Variants in USP34 observed in about 807,000 individuals in gnomAD.
The protein encoded by USP34 is ubiquitin specific peptidase 34.
USP34 carries 70 observed loss-of-function variants against 460.3 expected under a neutral mutation model. The observed-to-expected ratio is 0.15, with a 90% CI of 0.13 to 0.19. The LOEUF is 0.19. Among genes scored for constraint, USP34 ranks in the 10% least tolerant of loss-of-function variants. The pLI is 1.00. For missense variants in USP34, 3,985 were observed against 4,236.2 expected (o/e 0.94, Z 1.65); for synonymous variants, 1,647 against 1,405.3 (o/e 1.17, Z -3.85).
At chr2:61,440,700 TAG>T (rs759995342) in intron 1 of USP34, among the ~76,000 whole-genome samples, 39 of 151,706 alleles carry the variant, frequency 2.6e-4, no homozygotes, top group Admixed American at 6.6e-4. Context: ...GTATTTTTAG[TAG>T]AGATGGGGTT....
intron 29 of USP34, among the ~76,000 whole-genome samples, chr2:61,299,952 C>T (rs1224389736): frequency 6.6e-6 from 1 of 152,166 alleles, no homozygotes; most frequent in African/African-American, 2.4e-5. Context: ...GCCAGAAACC[C>T]AGTGCCATTT....
At chr2:61,397,742 T>C (rs1165757295) in intron 3 of USP34, among the ~76,000 whole-genome samples, 4 of 151,744 alleles carry the variant, frequency 2.6e-5, no homozygotes, top group Non-Finnish European at 5.9e-5. Context: ...CTATTAAAAA[T>C]ACACAAATTA....
At chr2:61,328,147 C>T (rs1014413775) in intron 20 of USP34, among the ~76,000 whole-genome samples, 2 of 151,440 alleles carry the variant, frequency 1.3e-5, no homozygotes, top group African/African-American at 2.4e-5. Context: ...TACTAAAAAG[C>T]GAAAACGAGC....
chr2:61,368,158 G>A (rs1032161925), intron 10 of USP34, among the ~76,000 whole-genome samples: 8 of 152,164 alleles, frequency 5.3e-5, no homozygotes, highest in Non-Finnish European at 1.0e-4. Context: ...GTCAGGCCGG[G>A]CCCATTGGCT....
rs979551982 is a variant in USP34, at chr2:61,442,074, G to A, written c.44-21241C>T. On this transcript the variant is annotated intron_variant, in intron 1 of 79. Coordinates refer to ENST00000398571, the MANE Select transcript of USP34 (RefSeq NM_014709.4). ...TGCTAGGAAAACTGGACATCCATAG[G>A]CACAACAATGAAACTATACCCTCAC... Among the ~76,000 whole-genome samples the A allele has an allele frequency of 2.0e-5, 3 of 152,000 alleles. No homozygotes were observed. The East Asian group carries it at 5.8e-4, about 29-fold the overall frequency.
In USP34 at chr2:61,246,451, T is replaced by C. The variant is rs535435066; in HGVS notation, c.6421A>G (p.Lys2141Glu). 9 of 1,589,332 alleles carry C rather than the reference T, an allele frequency of 5.7e-6. No homozygotes were observed. The highest frequency in any genetic ancestry group is 2.3e-5 in the East Asian group (1 of 44,108). Residue 2141 changes from lysine (K) to glutamate (E), a missense_variant, in exon 50 of 80, where the codon AAA (lysine) becomes GAA (glutamate). Lys to Glu is a moderately conservative substitution (Grantham distance 56). This residue lies in a region of USP34 where 70 missense variants were observed against 78.1 expected (regional missense o/e 0.90). Transcript: ENST00000398571. Reference protein sequence around the residue: ...EGFKEVSDHSKDSESYEYDLI... With the variant: ...EGFKEVSDHSEDSESYEYDLI... ...TCATATTCATAGCTCTCTGAGTCTT[T>C]TGAATGATCACTGACTTCTTTAAAA...
At chr2:61,396,519 C>T (rs1693532591) in intron 3 of USP34, among the ~76,000 whole-genome samples, 1 of 150,424 alleles carries the variant, frequency 6.6e-6, no homozygotes, top group Non-Finnish European at 1.5e-5. Context: ...GACGGAGTCT[C>T]GCACTGTCGC....
chr2:61,281,917 G>A (rs1262871801), intron 37 of USP34, among the ~76,000 whole-genome samples: 2 of 152,302 alleles, frequency 1.3e-5, no homozygotes, highest in South Asian at 2.1e-4. Flanking sequence ...TAAGCAAACT[G>A]TCCAAATGTC....
Position 61,259,743 on chromosome 2 carries a change from G to T in USP34, c.5812C>A (p.Leu1938Met), listed in dbSNP as rs1470853000. The change falls in exon 44 of 80, where the codon CTG becomes ATG. Residue 1938 changes from leucine (L) to methionine (M), a missense_variant. Transcript: ENST00000398571. ...TATGTAAACATTTTCTGAAGCTCCAGAAGAGTGGTCTTGTGCTTCATATCC... is the reference window on the plus strand; with the variant it reads ...TATGTAAACATTTTCTGAAGCTCCATAAGAGTGGTCTTGTGCTTCATATCC... ...SEDMKHKTTL[L>M]ELQKMFTYLM... 1 of 1,613,400 alleles carries T rather than the reference G, an allele frequency of 6.2e-7. No homozygotes were observed. Among genetic ancestry groups the T allele is most frequent in the Non-Finnish European group, 8.5e-7 (1 of 1,179,944 alleles).
chr2:61,291,352 T>C (rs1046049359), intron 33 of USP34, among the ~76,000 whole-genome samples: 1 of 152,168 alleles, frequency 6.6e-6, no homozygotes, highest in Non-Finnish European at 1.5e-5. Flanking sequence ...GGTAGAAATG[T>C]AAAATGTTGC....
intron 10 of USP34, among the ~76,000 whole-genome samples, chr2:61,367,320 A>ACGCG (rs548208348): frequency 6.7e-6 from 1 of 150,244 alleles, no homozygotes; most frequent in Non-Finnish European, 1.5e-5. Flanking sequence ...GCACACACAC[A>ACGCG]CGCGCGCGCA....
chr2:61,284,458 G>A (rs1689628888), intron 35 of USP34, among the ~76,000 whole-genome samples: 2 of 152,020 alleles, frequency 1.3e-5, no homozygotes, highest in Admixed American at 6.6e-5. Flanking sequence ...TGATCCTGAA[G>A]CAAGAAAAAT....
intron 27 of USP34, among the ~76,000 whole-genome samples, chr2:61,308,696 G>A (rs1367636226): frequency 6.6e-6 from 1 of 152,040 alleles, no homozygotes; most frequent in Non-Finnish European, 1.5e-5. Flanking sequence ...CTATACTCAG[G>A]CCCAGAACAC....
intron 1 of USP34, among the ~76,000 whole-genome samples, chr2:61,454,545 T>C (rs1056468152): frequency 3.9e-5 from 6 of 152,052 alleles, no homozygotes; most frequent in Non-Finnish European, 5.9e-5. Flanking sequence ...CTGGTGACTG[T>C]GTCAATATAG....
At chr2:61,362,315 C>G (rs1265130624) in intron 10 of USP34, among the ~76,000 whole-genome samples, 1 of 152,200 alleles carries the variant, frequency 6.6e-6, no homozygotes, top group East Asian at 1.9e-4. Flanking sequence ...GGATACATAT[C>G]CAAAGGAAAT....
chr2:61,268,236 T>C (rs1429721570), intron 41 of USP34, among the ~76,000 whole-genome samples: 1 of 151,948 alleles, frequency 6.6e-6, no homozygotes, highest in Non-Finnish European at 1.5e-5. Context: ...TGTAATAAAA[T>C]ATTGTAAACT....
At chr2:61,411,763 A>G (rs940498823) in intron 2 of USP34, among the ~76,000 whole-genome samples, 3 of 152,222 alleles carry the variant, frequency 2.0e-5, no homozygotes, top group African/African-American at 7.2e-5. Context: ...AGTGGCCAAC[A>G]TCTGAGATGC....
At chr2:61,228,516 C>A (rs1465203196) in intron 61 of USP34, 129 bp downstream of exon 61, 8 of 689,728 alleles carry the variant, frequency 1.2e-5, no homozygotes, top group Non-Finnish European at 1.6e-5. Context: ...CAATCTTAGA[C>A]CCTTCATATT....
At chr2:61,216,854 G>C (rs1391618205) in intron 67 of USP34, among the ~76,000 whole-genome samples, 1 of 151,538 alleles carries the variant, frequency 6.6e-6, no homozygotes, top group Non-Finnish European at 1.5e-5. Flanking sequence ...GGAGGTGGAG[G>C]CTGCAGTGAG....
Sources: gnomAD v4.1 joint callset for allele counts (sites outside exome capture counted in the v4.1 genomes callset) on GRCh38, gnomAD v4.1.1 for gene constraint, gnomAD v4.1.1 regional missense constraint, MANE v1.5 for transcripts, NCBI Gene and HGNC (gene_info 2026-07-23, HGNC 2026-07-21) for gene names.